The following NAV2 variants were observed in gnomAD, a reference collection of about 807,000 sequenced individuals.
NAV2 encodes neuron navigator 2.
In NAV2, 54 loss-of-function variants were observed where a neutral mutation model predicts 223.2. The observed-to-expected ratio is 0.24, with a 90% CI of 0.19 to 0.30. NAV2 has a LOEUF of 0.30. Among genes scored for constraint, NAV2 ranks in the 10% least tolerant of loss-of-function variants. The pLI, the probability that NAV2 is intolerant of heterozygous loss-of-function variation, is 1.00. For missense variants in NAV2, 2,806 were observed against 3,147.5 expected (o/e 0.89, Z 2.60); for synonymous variants, 1,279 against 1,239.3 (o/e 1.03, Z -0.67).
intron 1 of NAV2, among the ~76,000 whole-genome samples, chr11:19,438,539 A>G (rs1851289509): frequency 6.6e-6 from 1 of 152,044 alleles, no homozygotes; most frequent in Non-Finnish European, 1.5e-5. Context: ...CAATTTTCAT[A>G]CTCTCCAGAC....
intron 1 of NAV2, among the ~76,000 whole-genome samples, chr11:19,538,550 C>T (rs2044252335): frequency 6.6e-6 from 1 of 151,730 alleles, no homozygotes; most frequent in Non-Finnish European, 1.5e-5. Flanking sequence ...ATGGGAGTCT[C>T]ACTGTGTTTT....
intron 1 of NAV2, among the ~76,000 whole-genome samples, chr11:19,751,612 ACTT>A (rs2053825707): frequency 6.6e-6 from 1 of 151,992 alleles, no homozygotes. Context: ...TTGCTCCTTT[ACTT>A]CTTTAGTATG....
chr11:19,975,676 G>A (rs1022403731), intron 10 of NAV2, among the ~76,000 whole-genome samples: 1 of 152,200 alleles, frequency 6.6e-6, no homozygotes, highest in African/African-American at 2.4e-5. Flanking sequence ...CTAAAACTCA[G>A]GGTAACGTGA....
chr11:19,956,296 C>T (rs2047857795), intron 10 of NAV2, among the ~76,000 whole-genome samples: 1 of 152,072 alleles, frequency 6.6e-6, no homozygotes, highest in Non-Finnish European at 1.5e-5. Flanking sequence ...ACACAATCTA[C>T]CTAGAGTTAG....
chr11:20,035,940 T>G lies in NAV2; in HGVS notation c.2769-19T>G, dbSNP rs1478340282. On this transcript the variant is annotated intron_variant, in intron 11 of 37. Transcript: ENST00000349880. ...CAGCCTGAGGTTTTGGTGCTCAGGA[T>G]GTGTGTTTGTCTTGGCAGCTGGGAC... 4 of 1,613,930 alleles carry G rather than the reference T, an allele frequency of 2.5e-6. No homozygotes were observed. The African/African-American group carries it at 4.0e-5, about 16-fold the overall frequency.
At chr11:19,395,149 A>C (rs899214538) in intron 1 of NAV2, among the ~76,000 whole-genome samples, 49 of 152,154 alleles carry the variant, frequency 3.2e-4, no homozygotes, top group African/African-American at 1.1e-3. Context: ...CCATGGACAT[A>C]CCTGTGAGCA....
intron 11 of NAV2, among the ~76,000 whole-genome samples, chr11:20,032,383 C>T (rs781217382): frequency 2.0e-5 from 3 of 152,174 alleles, no homozygotes; most frequent in Admixed American, 1.3e-4. Flanking sequence ...TATCAAGGGC[C>T]ACATGCCCCT....
At chr11:19,424,407 CA>C (rs888669939) in intron 1 of NAV2, among the ~76,000 whole-genome samples, 1 of 152,070 alleles carries the variant, frequency 6.6e-6, no homozygotes, top group African/African-American at 2.4e-5. Flanking sequence ...CTTTGAGGGC[CA>C]AGAGAAGAGC....
At chr11:19,345,795 G>C (rs1303819940), upstream of NAV2, among the ~76,000 whole-genome samples, 1 of 152,214 alleles carries the variant, frequency 6.6e-6, no homozygotes, top group Non-Finnish European at 1.5e-5. The surrounding 1 kb of genome is among the most constrained non-coding windows in gnomAD (Gnocchi z 5.2). Flanking sequence ...CCCTCTGGGC[G>C]TACGTGCCTG....
intron 11 of NAV2, among the ~76,000 whole-genome samples, chr11:20,026,420 C>T (rs987434016): frequency 1.4e-4 from 21 of 152,110 alleles, no homozygotes; most frequent in Admixed American, 1.3e-4. Context: ...ACGCCATTCT[C>T]CTGTCTCAGC....
chr11:20,043,864 A>G, intron 12 of NAV2, 117 bp from the exon 13 acceptor site: 1 of 893,132 alleles, frequency 1.1e-6, no homozygotes, highest in Non-Finnish European at 1.7e-6. Context: ...AACATCTTTA[A>G]AGTAATGCTT....
At chr11:19,387,343 T>C (rs1849082030) in intron 1 of NAV2, among the ~76,000 whole-genome samples, 1 of 151,458 alleles carries the variant, frequency 6.6e-6, no homozygotes, top group Non-Finnish European at 1.5e-5. Context: ...GAAAAGGAGG[T>C]AGTTAGGATG....
intron 1 of NAV2, among the ~76,000 whole-genome samples, chr11:19,767,032 G>A (rs2055283885): frequency 6.6e-6 from 1 of 152,152 alleles, no homozygotes; most frequent in African/African-American, 2.4e-5. Context: ...CCCCAGGATG[G>A]GATGGACTGG....
intron 3 of NAV2, among the ~76,000 whole-genome samples, chr11:19,857,772 T>C (rs1442709819): frequency 2.0e-5 from 3 of 152,254 alleles, no homozygotes; most frequent in Non-Finnish European, 4.4e-5. Context: ...TATGTATACA[T>C]TGTATAATGA....
intron 14 of NAV2, among the ~76,000 whole-genome samples, chr11:20,046,128 G>A (rs1337336338): frequency 4.6e-5 from 7 of 152,138 alleles, no homozygotes; most frequent in Non-Finnish European, 7.3e-5. Flanking sequence ...GAGGTCAGGA[G>A]TTCGAGACCA....
chr11:19,668,393 C>T (rs140559420), intron 1 of NAV2, among the ~76,000 whole-genome samples: 3 of 152,040 alleles, frequency 2.0e-5, no homozygotes, highest in African/African-American at 4.8e-5. Context: ...ATCAGCCAGG[C>T]GTGGTGACTC....
At chr11:19,444,556 C>T (rs1851515203) in intron 1 of NAV2, among the ~76,000 whole-genome samples, 3 of 150,940 alleles carry the variant, frequency 2.0e-5, no homozygotes, top group Admixed American at 2.0e-4. Context: ...TAGAACCGGC[C>T]CCCCACTGCC....
chr11:20,107,909 T>TGTAGTCCAGTGTAGGACTA lies in NAV2; in HGVS notation c.6960+127_6960+128insGTAGTCCAGTGTAGGACTA, dbSNP rs1169794643. ...GGGTGACAACCCCTCACCTGGGAGT[T>TGTAGTCCAGTGTAGGACTA]CATCAGTGTAGTCCAGTGTAGGGAC... On this transcript the variant is annotated intron_variant, in intron 36 of 37. Transcript: ENST00000349880. 1.5e-5 allele frequency: 11 copies of TGTAGTCCAGTGTAGGACTA among 713,700 alleles called. No individual in the cohort carries two copies. The East Asian group carries it at 2.5e-4, about 16-fold the overall frequency. 44.2% of individuals were successfully genotyped at this position (713,700 alleles called of 1,614,324 possible). A position where few individuals can be genotyped will look rare whatever the true frequency, so the allele number is the denominator to read the frequency against.
intron 1 of NAV2, among the ~76,000 whole-genome samples, chr11:19,433,332 G>C (rs1227990164): frequency 1.3e-5 from 2 of 152,148 alleles, no homozygotes; most frequent in Non-Finnish European, 2.9e-5. Context: ...AGCAGAACAG[G>C]ATGCTCTACC....
Sources: gnomAD v4.1 joint callset for allele counts (sites outside exome capture counted in the v4.1 genomes callset) on GRCh38, gnomAD v4.1.1 for gene constraint, Gnocchi (gnomAD v3.1) non-coding constraint, MANE v1.5 for transcripts, NCBI Gene and HGNC (gene_info 2026-07-23, HGNC 2026-07-21) for gene names.